MYH11: variants seen among roughly 807,000 people sequenced by gnomAD.
MYH11 encodes myosin-11.
A neutral mutation model predicts 246.6 loss-of-function variants in MYH11; 80 were observed. The observed-to-expected ratio is 0.32, with a 90% CI of 0.27 to 0.39. The LOEUF is 0.39. Ranked by LOEUF, MYH11 falls within the 10% of genes least tolerant of loss-of-function variation. The pLI is 1.00. For synonymous variants in MYH11, 1,071 were observed against 1,015.5 expected, an observed-to-expected ratio of 1.05 and a Z score of -1.04; for missense variants, 2,158 against 2,546.8, an observed-to-expected ratio of 0.85 and a Z score of 3.29.
rs115976657 is a variant in MYH11, at chr16:15,822,964, A to G, written c.502+291T>C. Among the ~76,000 whole-genome samples the G allele has an allele frequency of 0.015, 2,222 of 152,114 alleles. 56 individuals carry two copies. The highest frequency in any genetic ancestry group is 0.051 in the African/African-American group (2,123 of 41,472). On this transcript the variant is annotated intron_variant, in intron 3 of 40. Transcript: ENST00000300036. ...TGGCTCAGCCCCAGGGCTGTTCCCC[A>G]CCCTCTTTCCATCCTTTGCAGACAG...
rs578216729 is a variant in MYH11 at position 15,821,092 on chromosome 16, G to A, written c.502+2163C>T. ...TCGCCATATTGCCCAGGCTGGTCTC[G>A]AACTCATGACCTCGAGCAATCCACC... is the stretch of plus-strand genomic sequence containing the variant. On this transcript the variant is annotated intron_variant, in intron 3 of 40. Transcript: ENST00000300036. Among the ~76,000 whole-genome samples the A allele has an allele frequency of 3.9e-5, 6 of 152,268 alleles. No homozygotes were observed. The South Asian group carries it at 1.0e-3, about 26-fold the overall frequency.
At chr16:15,778,261 A>G (rs1267254129) in intron 7 of MYH11, among the ~76,000 whole-genome samples, 1 of 152,104 alleles carries the variant, frequency 6.6e-6, no homozygotes, top group African/African-American at 2.4e-5. Flanking sequence ...TCAATTTCCT[A>G]CCTAAGAAGT....
At chr16:15,819,350 C>T (rs527827169) in intron 3 of MYH11, among the ~76,000 whole-genome samples, 28 of 152,258 alleles carry the variant, frequency 1.8e-4, no homozygotes, top group African/African-American at 6.3e-4. Flanking sequence ...GGTGGTCTAG[C>T]GCAGGCATCT....
chr16:15,803,684 A>AT (rs1454322250), intron 3 of MYH11, among the ~76,000 whole-genome samples: 2 of 152,178 alleles, frequency 1.3e-5, no homozygotes, highest in African/African-American at 2.4e-5. Context: ...GGACAGACAG[A>AT]TGGGCTGTGT....
At chr16:15,719,534 T>G (rs377312004) in intron 35 of MYH11, 51 bp downstream of exon 35, 2 of 1,611,720 alleles carry the variant, frequency 1.2e-6, no homozygotes, top group Non-Finnish European at 1.7e-6. Context: ...TGCCAAGGGG[T>G]GCTACCGTGA....
chr16:15,754,406 A>G (rs1284229171), intron 14 of MYH11, among the ~76,000 whole-genome samples: 1 of 152,212 alleles, frequency 6.6e-6, no homozygotes, highest in Admixed American at 6.5e-5. Context: ...TATTAAATGA[A>G]AGGAACTGAT....
At chr16:15,846,999 T>C (rs2044207244) in intron 1 of MYH11, among the ~76,000 whole-genome samples, 1 of 152,138 alleles carries the variant, frequency 6.6e-6, no homozygotes. Flanking sequence ...GCACACTTTT[T>C]TGCACATCAA....
chr16:15,761,455 T>A (rs1240608574), intron 10 of MYH11, among the ~76,000 whole-genome samples: 1 of 152,214 alleles, frequency 6.6e-6, no homozygotes. Flanking sequence ...TAGTTATTAA[T>A]AGTAACATTT....
Position 15,833,580 on chromosome 16 carries a change from C to G in MYH11, c.345+4328G>C, listed in dbSNP as rs143770688. ...TGCTGGACATTGCTGAGCCCAGAAC[C>G]TGCATCTCTAAGATTAGGAGGAAAG... On this transcript the variant is annotated intron_variant, in intron 2 of 40. Coordinates refer to ENST00000300036, the MANE Select transcript of MYH11 (RefSeq NM_002474.3). Among the ~76,000 whole-genome samples the G allele has an allele frequency of 3.4e-3, 525 of 152,268 alleles. 3 individuals are homozygous for G. The highest frequency in any genetic ancestry group is 6.4e-3 in the South Asian group (31 of 4,826).
At chr16:15,797,889 T>C (rs1176740547) in intron 4 of MYH11, among the ~76,000 whole-genome samples, 1 of 152,122 alleles carries the variant, frequency 6.6e-6, no homozygotes, top group Non-Finnish European at 1.5e-5. Context: ...TTTTTGTTAG[T>C]TATTTTGCAG....
In MYH11 at chr16:15,737,748, C is replaced by T. The variant is rs528849396; in HGVS notation, c.3122-128G>A. On this transcript the variant is annotated intron_variant, in intron 24 of 40. Coordinates refer to ENST00000300036, the MANE Select transcript of MYH11 (RefSeq NM_002474.3). ...CCCCAATCAGTAACCATCATAGTCA[C>T]GGTCTGGACCATTATCTCCCGATGA... 1,187 of 922,662 alleles carry T rather than the reference C, an allele frequency of 1.3e-3. 3 individuals are homozygous for T. The highest frequency in any genetic ancestry group is 1.9e-3 in the Middle Eastern group (9 of 4,622). The allele number at this position is 922,662 out of a possible 1,614,324, so 57.2% of individuals were successfully genotyped here. A position where few individuals can be genotyped will look rare whatever the true frequency, so the allele number is the denominator to read the frequency against.
chr16:15,831,636 T>C (rs748226645), intron 2 of MYH11, among the ~76,000 whole-genome samples: 47 of 152,094 alleles, frequency 3.1e-4, no homozygotes, highest in Non-Finnish European at 5.6e-4. Context: ...TTTGAAGCAA[T>C]AATGACTTGA....
At chr16:15,729,416 G>A (rs2040895034) in intron 27 of MYH11, among the ~76,000 whole-genome samples, 1 of 152,144 alleles carries the variant, frequency 6.6e-6, no homozygotes, top group Non-Finnish European at 1.5e-5. Flanking sequence ...TCTGCTGGTG[G>A]TCTTAATAAC....
At chr16:15,717,851 G>A (rs763481786) in intron 37 of MYH11, 11 of 264,774 alleles carry the variant, frequency 4.2e-5, no homozygotes, top group Admixed American at 1.5e-4. Context: ...CGAGTGACTT[G>A]TCCCTTGCTT....
rs80350009 is a variant in MYH11, at chr16:15,798,633, A to T, written c.530+27T>A. The T allele has an allele frequency of 1.1e-5, 17 of 1,571,082 alleles. 1 individual carries two copies. The Admixed American group carries it at 1.9e-4, about 18-fold the overall frequency. ...TAAAAAAAAAAAAAAACAAAAAAAAAACAGAAGAAAAAGCAGTTCCACTTA... is the reference window on the plus strand; with the variant it reads ...TAAAAAAAAAAAAAAACAAAAAAAATACAGAAGAAAAAGCAGTTCCACTTA... On this transcript the variant is annotated intron_variant, in intron 4 of 40. Coordinates refer to ENST00000300036, the MANE Select transcript of MYH11 (RefSeq NM_002474.3).
chr16:15,848,201 T>G (rs1462994308), intron 1 of MYH11, among the ~76,000 whole-genome samples: 2 of 149,868 alleles, frequency 1.3e-5, no homozygotes, highest in Non-Finnish European at 3.0e-5. Context: ...TTAATAATAC[T>G]AATACTAGTA....
At chr16:15,758,112 T>C in intron 12 of MYH11, 112 bp from the exon 13 acceptor site, 1 of 1,499,586 alleles carries the variant, frequency 6.7e-7, no homozygotes, top group Non-Finnish European at 9.2e-7. Context: ...CCACATCCTG[T>C]TCTGCCATCC....
chr16:15,849,947 A>G (rs1303358468), intron 1 of MYH11, among the ~76,000 whole-genome samples: 1 of 151,996 alleles, frequency 6.6e-6, no homozygotes, highest in Non-Finnish European at 1.5e-5. Flanking sequence ...ATTTTATGGG[A>G]CCCGTCTGTG....
chr16:15,763,682 C>G, intron 10 of MYH11, 114 bp downstream of exon 10: 1 of 900,074 alleles, frequency 1.1e-6, no homozygotes, highest in Non-Finnish European at 1.9e-6. Flanking sequence ...CCTAGTCCAA[C>G]TGTTGTTAAA....
Sources: allele counts gnomAD v4.1 joint callset (sites outside exome capture counted in the v4.1 genomes callset), GRCh38; gene constraint gnomAD v4.1.1; transcripts MANE v1.5; gene names NCBI Gene and HGNC (gene_info 2026-07-23, HGNC 2026-07-21).